The following SEMA3E variants were observed in gnomAD, a reference collection of about 807,000 sequenced individuals.
SEMA3E encodes semaphorin 3E, also known as semaphorin-3E.
A neutral mutation model predicts 93.6 loss-of-function variants in SEMA3E; 49 were observed. That is an observed-to-expected ratio of 0.52 (90% CI 0.42 to 0.66). SEMA3E has a LOEUF of 0.66. Among genes scored for constraint, SEMA3E ranks in the 30% least tolerant of loss-of-function variants. The pLI, the probability that SEMA3E is intolerant of heterozygous loss-of-function variation, is 0.00. For synonymous variants in SEMA3E, 363 were observed against 330.7 expected (o/e 1.10, Z -1.06); for missense variants, 906 against 964.8 (o/e 0.94, Z 0.81).
At chr7:83,613,396 G>A (rs1417599915) in intron 1 of SEMA3E, among the ~76,000 whole-genome samples, 8 of 152,082 alleles carry the variant, frequency 5.3e-5, no homozygotes, top group Non-Finnish European at 1.0e-4. Context: ...AATGTCATGT[G>A]TTTTTAATGG....
At chr7:83,368,096 A>G in intron 16 of SEMA3E, 58 bp from the exon 17 acceptor site, 1 of 1,484,534 alleles carries the variant, frequency 6.7e-7, no homozygotes, top group Non-Finnish European at 9.4e-7. Context: ...ATAACAATCC[A>G]TCACCCTTTC....
At chr7:83,603,837 G>A (rs921462881) in intron 1 of SEMA3E, among the ~76,000 whole-genome samples, 1 of 152,104 alleles carries the variant, frequency 6.6e-6, no homozygotes, top group African/African-American at 2.4e-5. Context: ...AACAGTACTT[G>A]TAACAAGTGC....
intron 4 of SEMA3E, among the ~76,000 whole-genome samples, chr7:83,425,533 C>G (rs1252667316): frequency 6.6e-6 from 1 of 152,062 alleles, no homozygotes; most frequent in Non-Finnish European, 1.5e-5. Context: ...TTTTCTCATC[C>G]TCTGGTTAAA....
chr7:83,420,821 C>T (rs962482762), intron 4 of SEMA3E, among the ~76,000 whole-genome samples: 3 of 152,228 alleles, frequency 2.0e-5, no homozygotes, highest in African/African-American at 7.2e-5. Context: ...CAAAAATTAA[C>T]TCAATATGGA....
At chr7:83,634,544 A>G (rs879423599) in intron 1 of SEMA3E, among the ~76,000 whole-genome samples, 2 of 152,108 alleles carry the variant, frequency 1.3e-5, no homozygotes, top group Non-Finnish European at 2.9e-5. Context: ...GAGCAGTATA[A>G]TGACAAAATG....
Position 83,392,705 on chromosome 7 carries a change from C to T in SEMA3E, c.1517G>A (p.Gly506Glu). ...GACTTGAGCCACAGCAGAAGCAGAT[C>T]CAATATACAGCTGTTGCTACAGAAA... is the stretch of plus-strand genomic sequence containing the variant. ...ISSKRQQLYIGSASAVAQVRF... is the reference protein window; with the variant it reads ...ISSKRQQLYIESASAVAQVRF... The change falls in exon 14 of 17, where the codon GGA becomes GAA. Residue 506 changes from glycine to glutamate, a missense_variant. Transcript: ENST00000643230. The T allele has an allele frequency of 1.2e-6, 2 of 1,613,646 alleles. No individual in the cohort carries two copies. The highest frequency in any genetic ancestry group is 1.7e-6 in the Non-Finnish European group (2 of 1,179,794).
At chr7:83,643,695 T>A (rs1794043265) in intron 1 of SEMA3E, among the ~76,000 whole-genome samples, 1 of 151,976 alleles carries the variant, frequency 6.6e-6, no homozygotes, top group South Asian at 2.1e-4. Flanking sequence ...GAAAGCATAT[T>A]TTATATAAAG....
intron 1 of SEMA3E, among the ~76,000 whole-genome samples, chr7:83,559,987 C>T (rs1435871433): frequency 1.3e-5 from 2 of 151,722 alleles, no homozygotes; most frequent in Non-Finnish European, 2.9e-5. Context: ...TGTATGATTC[C>T]AACTATATGG....
intron 2 of SEMA3E, among the ~76,000 whole-genome samples, chr7:83,472,028 T>G (rs1464332606): frequency 6.6e-6 from 1 of 152,212 alleles, no homozygotes; most frequent in East Asian, 1.9e-4. Flanking sequence ...CATTGTCGTC[T>G]TCCTATTTTC....
At chr7:83,530,609 G>T (rs1477974273) in intron 1 of SEMA3E, among the ~76,000 whole-genome samples, 2 of 152,136 alleles carry the variant, frequency 1.3e-5, no homozygotes, top group Non-Finnish European at 2.9e-5. Context: ...AGGCGTGGTG[G>T]CTCATGCCTG....
intron 1 of SEMA3E, among the ~76,000 whole-genome samples, chr7:83,571,753 G>A (rs937614216): frequency 2.0e-5 from 3 of 152,088 alleles, no homozygotes; most frequent in Admixed American, 6.5e-5. Flanking sequence ...GAAATAAAAG[G>A]CGTCCAAAGA....
At chr7:83,472,718 T>C (rs1438211417) in intron 2 of SEMA3E, among the ~76,000 whole-genome samples, 2 of 152,208 alleles carry the variant, frequency 1.3e-5, no homozygotes, top group Non-Finnish European at 2.9e-5. Context: ...CCAGATGATA[T>C]GGTTAGGCTA....
At chr7:83,508,051 G>C (rs1310605701) in intron 1 of SEMA3E, among the ~76,000 whole-genome samples, 1 of 152,004 alleles carries the variant, frequency 6.6e-6, no homozygotes, top group African/African-American at 2.4e-5. Flanking sequence ...TGATATTGAG[G>C]CATTTAAAAC....
At chr7:83,603,852 A>G (rs1162694003) in intron 1 of SEMA3E, among the ~76,000 whole-genome samples, 1 of 152,192 alleles carries the variant, frequency 6.6e-6, no homozygotes, top group East Asian at 1.9e-4. Flanking sequence ...AAGTGCTTAT[A>G]CAAGCATTTG....
chr7:83,384,495 AT>A (rs11354109), intron 16 of SEMA3E, among the ~76,000 whole-genome samples: 147,670 of 151,798 alleles, frequency 0.97, 71,960 homozygotes, highest in East Asian at 1. Flanking sequence ...TAAAATATCC[AT>A]TTTTTTTTCT....
intron 4 of SEMA3E, among the ~76,000 whole-genome samples, chr7:83,463,426 A>G (rs1345089675): frequency 6.6e-6 from 1 of 152,148 alleles, no homozygotes; most frequent in African/African-American, 2.4e-5. Flanking sequence ...TACCTGACGC[A>G]TATACTTTCT....
At chr7:83,407,009 A>G in intron 7 of SEMA3E, 88 bp downstream of exon 7, 1 of 1,498,514 alleles carries the variant, frequency 6.7e-7, no homozygotes, top group Middle Eastern at 1.7e-4. Flanking sequence ...ACTAGAAAAT[A>G]TTTAAAAGTA....
At chr7:83,648,336 T>C (rs1794106458) in intron 1 of SEMA3E, 92 bp downstream of exon 1, 1 of 891,630 alleles carries the variant, frequency 1.1e-6, no homozygotes, top group South Asian at 1.5e-5. Context: ...TTGAAGACCA[T>C]AAGCCTATGT....
In SEMA3E at chr7:83,468,089, C is replaced by A. The variant is rs551671966; in HGVS notation, c.336+1154G>T. The stretch of plus-strand genomic sequence containing the variant: ...AGTTACTGTCACGTTTTATAAGGAC[C>A]TGTTGTGATTTCAGCACTTTAAAGT... On this transcript the variant is annotated intron_variant, in intron 3 of 16. Transcript: ENST00000643230. Among the ~76,000 whole-genome samples, 175 of 152,208 alleles carry A rather than the reference C, an allele frequency of 1.1e-3. 3 individuals are homozygous for A. Among genetic ancestry groups the A allele is most frequent in the African/African-American group, 4.1e-3 (171 of 41,534 alleles).
Sources: allele counts gnomAD v4.1 joint callset (sites outside exome capture counted in the v4.1 genomes callset), GRCh38; gene constraint gnomAD v4.1.1; transcripts MANE v1.5; gene names NCBI Gene and HGNC (gene_info 2026-07-23, HGNC 2026-07-21).